The following RUSF1 variants were observed in gnomAD, a reference collection of about 807,000 sequenced individuals.
RUSF1 encodes the protein RUS1 family protein C16orf58.
In RUSF1, 58 loss-of-function variants were observed where a neutral mutation model predicts 63.0. The observed-to-expected ratio is 0.92, with a 90% CI of 0.75 to 1.15. The LOEUF is 1.15. RUSF1 is among the 50% of genes most tolerant of loss of function. The pLI, the probability that RUSF1 is intolerant of heterozygous loss-of-function variation, is 0.00. For missense variants in RUSF1, 652 were observed against 611.0 expected (o/e 1.07, Z -0.71); for synonymous variants, 274 against 255.8 (o/e 1.07, Z -0.68).
intron 5 of RUSF1, among the ~76,000 whole-genome samples, chr16:31,498,909 A>ATTGCACC (rs2082618221): frequency 6.6e-6 from 1 of 152,142 alleles, no homozygotes; most frequent in Non-Finnish European, 1.5e-5. Context: ...TAATTCCACA[A>ATTGCACC]ACACTGGTGC....
rs753689910 is a variant in RUSF1, at chr16:31,507,818, C to A, written c.361G>T (p.Val121Leu). The A allele has an allele frequency of 6.3e-7, 1 of 1,579,260 alleles. No homozygotes were observed. Among genetic ancestry groups the A allele is most frequent in the South Asian group, 1.2e-5 (1 of 86,018 alleles). Residue 121 changes from valine (V) to leucine (L), a missense_variant, in exon 2 of 13, where the codon GTG becomes TTG. By Grantham distance (32) the Val-to-Leu change is conservative. Coordinates refer to ENST00000327237, the MANE Select transcript of RUSF1 (RefSeq NM_022744.4). ...ATQAVLLGIG[V>L]GNAKATVSAA... is the part of the protein sequence containing the mutation. ...GAAACAGTGGCTTTTGCGTTCCCCA[C>A]CCCTATGCCCAGCAAGACTGCCTGG...
intron 6 of RUSF1, among the ~76,000 whole-genome samples, chr16:31,496,018 C>T (rs1377207681): frequency 6.6e-6 from 1 of 152,118 alleles, no homozygotes; most frequent in Admixed American, 6.5e-5. Flanking sequence ...CTGGGACTTC[C>T]CTGGGCCTTA....
chr16:31,494,887 G>A (rs1395559880), intron 6 of RUSF1, among the ~76,000 whole-genome samples: 1 of 152,088 alleles, frequency 6.6e-6, no homozygotes, highest in East Asian at 1.9e-4. Flanking sequence ...TATTGCCCAG[G>A]CTGATCTTGA....
In RUSF1 at chr16:31,493,316, C is replaced by T. The variant is rs1019739995; in HGVS notation, c.1016+151G>A. On this transcript the variant is annotated intron_variant, in intron 9 of 12. Transcript: ENST00000327237. ...CTTCATGTTATACACCCTTTCCTTC[C>T]TCACACACCCACACCAACCCCATGT... The T allele has an allele frequency of 6.3e-6, 7 of 1,105,148 alleles. No homozygotes were observed. In the African/African-American group the frequency reaches 9.3e-5, roughly 15 times the overall value. 68.5% of individuals were successfully genotyped at this position (1,105,148 alleles called of 1,614,324 possible). A position where few individuals can be genotyped will look rare whatever the true frequency, so the allele number is the denominator to read the frequency against.
intron 2 of RUSF1, among the ~76,000 whole-genome samples, chr16:31,502,484 G>A (rs978089191): frequency 1.3e-5 from 2 of 152,084 alleles, no homozygotes; most frequent in South Asian, 2.1e-4. Flanking sequence ...CCATTAAATC[G>A]GTGAATAAAA....
At chr16:31,496,080 G>T (rs986386221) in intron 6 of RUSF1, among the ~76,000 whole-genome samples, 2 of 152,132 alleles carry the variant, frequency 1.3e-5, no homozygotes, top group African/African-American at 4.8e-5. Context: ...CAAAGGGTTG[G>T]TGTGAGAGTT....
Position 31,507,843 on chromosome 16 carries a change from G to A in RUSF1, c.336C>T (p.Thr112=). Residue 112 remains threonine (T), a synonymous_variant, in exon 2 of 13, where the codon ACC becomes ACT. Coordinates refer to ENST00000327237, the MANE Select transcript of RUSF1 (RefSeq NM_022744.4). ...FASSLSGSLA[T]QAVLLGIGVG... ...CCCCTATGCCCAGCAAGACTGCCTG[G>A]GTGGCTAGGGAGCCGGAGAGGCTGG... 1 of 1,573,390 alleles carries A rather than the reference G, an allele frequency of 6.4e-7. No homozygotes were observed. The highest frequency in any genetic ancestry group is 1.4e-5 in the African/African-American group (1 of 74,018).
At chr16:31,494,259 G>A (rs1596626300) in intron 6 of RUSF1, among the ~76,000 whole-genome samples, 1 of 151,768 alleles carries the variant, frequency 6.6e-6, no homozygotes, top group Admixed American at 6.6e-5. Context: ...AGTGGCTCGC[G>A]CCTGTAATCC....
rs1408277605 is a variant in RUSF1, at chr16:31,508,268, C to T, written c.106G>A (p.Val36Ile). 6.4e-7 allele frequency: 1 copy of T among 1,568,632 alleles called. No homozygotes were observed. Among genetic ancestry groups the T allele is most frequent in the African/African-American group, 1.4e-5 (1 of 73,860 alleles). Residue 36 changes from valine to isoleucine, a missense_variant, in exon 1 of 13, where the codon GTC (valine) becomes ATC (isoleucine). Transcript: ENST00000327237. ...AGCCCCCACCAGCGCCAGCCCCCGA[C>T]CTCCCACTGCAGGCTCCCGTCCGCG... ...AAADGSLQWEVGGWRWWGLSR... is the reference protein window; with the variant it reads ...AAADGSLQWEIGGWRWWGLSR...
Position 31,499,529 on chromosome 16 carries a change from T to G in RUSF1, c.462-4A>C. 6.3e-7 allele frequency: 1 copy of G among 1,595,802 alleles called. No individual in the cohort carries two copies. Among genetic ancestry groups the G allele is most frequent in the Non-Finnish European group, 8.5e-7 (1 of 1,170,934 alleles). On this transcript the variant is annotated splice_region_variant and splice_polypyrimidine_tract_variant and intron_variant, in intron 3 of 12. Coordinates refer to ENST00000327237, the MANE Select transcript of RUSF1 (RefSeq NM_022744.4). ...GGCATTGCAGTCCAGTTTGCTCCTG[T>G]TGGGGAGGAGAGGTTGTTGTAATTT... is the stretch of plus-strand genomic sequence containing the variant.
chr16:31,507,799 G>C lies in RUSF1; in HGVS notation c.380C>G (p.Thr127Ser). 1 of 1,576,058 alleles carries C rather than the reference G, an allele frequency of 6.3e-7. No homozygotes were observed. The highest frequency in any genetic ancestry group is 8.6e-7 in the Non-Finnish European group (1 of 1,160,382). Reference protein sequence around the residue: ...LGIGVGNAKATVSAATATWLV... With the variant: ...LGIGVGNAKASVSAATATWLV... ...CCAGGTGGCCGTGGCAGCTGAAACA[G>C]TGGCTTTTGCGTTCCCCACCCCTAT... Residue 127 changes from threonine (T) to serine (S), a missense_variant, in exon 2 of 13, where the codon ACT becomes AGT. Physicochemically the swap from Thr to Ser is moderately conservative, Grantham distance 58. Transcript: ENST00000327237.
At chr16:31,497,356 G>A (rs561311047) in intron 5 of RUSF1, among the ~76,000 whole-genome samples, 6 of 152,102 alleles carry the variant, frequency 3.9e-5, no homozygotes, top group Admixed American at 2.0e-4. Flanking sequence ...TAAAGCTGTC[G>A]AAACCTACAC....
intron 5 of RUSF1, among the ~76,000 whole-genome samples, chr16:31,498,715 C>T (rs1182139614): frequency 6.6e-6 from 1 of 152,154 alleles, no homozygotes; most frequent in Non-Finnish European, 1.5e-5. Flanking sequence ...TGCTCCATCT[C>T]CACCTCGCCT....
In RUSF1 at chr16:31,493,710, A is replaced by G. The variant is rs765739437; in HGVS notation, c.851T>C (p.Met284Thr). Reference sequence around the variant, plus strand: ...GAGCCGGCCTTCGTTCAAGGTCTCCATGACCAGGGCTCGGACCGCGCGGTA... The same window carrying G: ...GAGCCGGCCTTCGTTCAAGGTCTCCGTGACCAGGGCTCGGACCGCGCGGTA... ...ANYRAVRALV[M>T]ETLNEGRLRL... Residue 284 changes from methionine (M) to threonine (T), a missense_variant, in exon 8 of 13, where the codon ATG becomes ACG. Met to Thr is a moderately conservative substitution (Grantham distance 81, BLOSUM62 -1). Transcript: ENST00000327237. 2.5e-6 allele frequency: 4 copies of G among 1,614,246 alleles called. No homozygotes were observed. The highest frequency in any genetic ancestry group is 1.1e-5 in the South Asian group (1 of 91,090).
Position 31,496,939 on chromosome 16 carries a change from A to T in RUSF1, c.612T>A (p.Ser204Arg). The T allele has an allele frequency of 1.9e-6, 3 of 1,606,538 alleles. No individual in the cohort carries two copies. The highest frequency in any genetic ancestry group is 2.5e-6 in the Non-Finnish European group (3 of 1,177,122). Residue 204 changes from serine to arginine, a missense_variant, in exon 6 of 13, where the codon AGT (serine) becomes AGA (arginine). By Grantham distance (110) the Ser-to-Arg change is moderately radical. Coordinates refer to ENST00000327237, the MANE Select transcript of RUSF1 (RefSeq NM_022744.4). ...STSNLAKCIV[S>R]VAGGATRAAL... is the part of the protein sequence containing the mutation. Reference sequence around the variant, plus strand: ...CAGCCCGAGTGGCCCCACCAGCAACACTCACGATGCACTGGGTGGGAGGGG... The same window carrying T: ...CAGCCCGAGTGGCCCCACCAGCAACTCTCACGATGCACTGGGTGGGAGGGG...
chr16:31,507,298 T>A (rs1234975858), intron 2 of RUSF1, among the ~76,000 whole-genome samples: 1 of 152,220 alleles, frequency 6.6e-6, no homozygotes, highest in Non-Finnish European at 1.5e-5. Flanking sequence ...AGATAGTCAC[T>A]CTATTATTTA....
Position 31,500,708 on chromosome 16 carries a change from T to C in RUSF1, c.439A>G (p.Ile147Val), listed in dbSNP as rs2082628694. Reference protein sequence around the residue: ...VKDSTGMLGRIVFAWWKGSKL... With the variant: ...VKDSTGMLGRVVFAWWKGSKL... ...CACCCTTTCCACCAGGCAAAGACGA[T>C]GCGGCCCAGCATGCCAGTTGAATCT... Residue 147 changes from isoleucine (I) to valine (V), a missense_variant, in exon 3 of 13, where the codon ATC becomes GTC. Transcript: ENST00000327237. 9 of 1,612,512 alleles carry C rather than the reference T, an allele frequency of 5.6e-6. No individual in the cohort carries two copies. The highest frequency in any genetic ancestry group is 7.6e-6 in the Non-Finnish European group (9 of 1,178,960).
chr16:31,493,112 C>T (rs538542121), intron 9 of RUSF1, 64 bp from the exon 10 acceptor site: 15 of 1,495,426 alleles, frequency 1.0e-5, no homozygotes, highest in Admixed American at 1.7e-5. Flanking sequence ...CCCAACCAGC[C>T]ACTGAACAGC....
chr16:31,503,964 T>TAACA (rs1274971951), intron 2 of RUSF1, among the ~76,000 whole-genome samples: 3 of 151,994 alleles, frequency 2.0e-5, no homozygotes, highest in Non-Finnish European at 4.4e-5. Flanking sequence ...ACCTGGCCAA[T>TAACA]AACAAGCCTT....
Sources: allele counts gnomAD v4.1 joint callset (sites outside exome capture counted in the v4.1 genomes callset), GRCh38; gene constraint gnomAD v4.1.1; transcripts MANE v1.5; gene names NCBI Gene and HGNC (gene_info 2026-07-23, HGNC 2026-07-21).